The following ANKS1A variants were observed in gnomAD, a reference collection of about 807,000 sequenced individuals.
ANKS1A encodes the protein ankyrin repeat and sterile alpha motif domain containing 1A, also known as ankyrin repeat and SAM domain-containing protein 1A.
Under a neutral mutation model 120.3 loss-of-function variants are expected in ANKS1A, and 55 were observed. That is an observed-to-expected ratio of 0.46 (90% CI 0.37 to 0.57). ANKS1A has a LOEUF of 0.57. Ranked by LOEUF, ANKS1A falls within the 20% of genes least tolerant of loss-of-function variation. The pLI, the probability that ANKS1A is intolerant of heterozygous loss-of-function variation, is 0.00. For synonymous variants in ANKS1A, 590 were observed against 604.7 expected, an observed-to-expected ratio of 0.98 and a Z score of 0.36; for missense variants, 1,123 against 1,480.3, an observed-to-expected ratio of 0.76 and a Z score of 3.96.
In ANKS1A at chr6:35,085,680, G is replaced by T; in HGVS notation, c.3133-86G>T. 3 of 1,405,322 alleles carry T rather than the reference G, an allele frequency of 2.1e-6. No individual in the cohort carries two copies. Among genetic ancestry groups the T allele is most frequent in the South Asian group, 1.5e-5 (1 of 67,866 alleles). The allele number at this position is 1,405,322 out of a possible 1,614,324, so 87.1% of individuals were successfully genotyped here. A position where few individuals can be genotyped will look rare whatever the true frequency, so the allele number is the denominator to read the frequency against. Reference sequence around the variant, plus strand: ...GCGCTCCCGGGTAGACTTAGAGGGGGACACATGGTCCCTGCGAGGAAGGGC... The same window carrying T: ...GCGCTCCCGGGTAGACTTAGAGGGGTACACATGGTCCCTGCGAGGAAGGGC... On this transcript the variant is annotated intron_variant, in intron 21 of 23. Transcript: ENST00000360359. The surrounding 1 kb of genome is among the most constrained non-coding windows in gnomAD (Gnocchi z 4.7).
rs140885045 is a variant in ANKS1A, at chr6:35,046,367, C to T, written c.2011-7732C>T. On this transcript the variant is annotated intron_variant, in intron 11 of 23. Coordinates refer to ENST00000360359, the MANE Select transcript of ANKS1A (RefSeq NM_015245.3). ...CTTTCTCTTTGTTTCCTTCGCCTCT[C>T]GGGCATGTCTTTGCTTATTAGCATG... Among the ~76,000 whole-genome samples, 17 of 152,298 alleles carry T rather than the reference C, an allele frequency of 1.1e-4. No homozygotes were observed. In the East Asian group the frequency reaches 3.1e-3, roughly 28 times the overall value.
At chr6:35,053,703 C>T (rs1776071817) in intron 11 of ANKS1A, among the ~76,000 whole-genome samples, 1 of 152,258 alleles carries the variant, frequency 6.6e-6, no homozygotes, top group Non-Finnish European at 1.5e-5. Flanking sequence ...GCAAAGTCTT[C>T]ACTCTCATGG....
At chr6:34,917,150 T>C (rs1414712447) in intron 1 of ANKS1A, among the ~76,000 whole-genome samples, 1 of 152,120 alleles carries the variant, frequency 6.6e-6, no homozygotes, top group Admixed American at 6.5e-5. Context: ...TAGGCCTCCA[T>C]GGGGCCTACA....
At chr6:34,940,416 G>A (rs1045610606) in intron 1 of ANKS1A, among the ~76,000 whole-genome samples, 6 of 152,134 alleles carry the variant, frequency 3.9e-5, no homozygotes, top group Admixed American at 3.9e-4. Context: ...GCACTTGTGG[G>A]AATCTGCTTG....
In ANKS1A at chr6:35,058,802, A is replaced by C. The variant is rs565394875; in HGVS notation, c.2078-1345A>C. On this transcript the variant is annotated intron_variant, in intron 12 of 23. Transcript: ENST00000360359. This position sits in a 1 kb window ranked among gnomAD's most constrained non-coding sequence, Gnocchi z 5.1. ...CAGAGAAGTAGGTTGGGGTTCAGGC[A>C]TCCAGCTCAGAACATCCAAGGTCTG... 6.6e-6 allele frequency: 1 copy of C among 152,330 alleles called. No individual in the cohort carries two copies. Among genetic ancestry groups the C allele is most frequent in the South Asian group, 2.1e-4 (1 of 4,822 alleles). 9.4% of individuals were successfully genotyped at this position (152,330 alleles called of 1,614,324 possible). A position where few individuals can be genotyped will look rare whatever the true frequency, so the allele number is the denominator to read the frequency against.
intron 13 of ANKS1A, among the ~76,000 whole-genome samples, chr6:35,069,212 C>T (rs141191514): frequency 1.0e-3 from 153 of 152,266 alleles, no homozygotes; most frequent in African/African-American, 3.3e-3. Context: ...GTGACATCCC[C>T]CACACACTAG....
In ANKS1A at chr6:35,044,070, A is replaced by G. The variant is rs1328305303; in HGVS notation, c.2011-10029A>G. 6.6e-6 allele frequency among the ~76,000 whole-genome samples: 1 copy of G among 152,138 alleles called. No homozygotes were observed. The highest frequency in any genetic ancestry group is 1.5e-5 in the Non-Finnish European group (1 of 68,034). ...TATGTAATGTTTAATTAAATTTTCT[A>G]TTTTCATCAACAAATATAACCATCC... On this transcript the variant is annotated intron_variant, in intron 11 of 23. Coordinates refer to ENST00000360359, the MANE Select transcript of ANKS1A (RefSeq NM_015245.3). The surrounding 1 kb of genome is among the most constrained non-coding windows in gnomAD (Gnocchi z 4.4).
intron 1 of ANKS1A, among the ~76,000 whole-genome samples, chr6:34,947,643 A>T (rs1400831866): frequency 6.6e-6 from 1 of 152,112 alleles, no homozygotes; most frequent in Admixed American, 6.5e-5. Context: ...GCCTCTTGTA[A>T]ATTTAAAATC....
chr6:34,899,854 G>A lies in ANKS1A; in HGVS notation c.197+10255G>A, dbSNP rs903512158. Among the ~76,000 whole-genome samples the A allele has an allele frequency of 8.5e-5, 13 of 152,314 alleles. No individual in the cohort carries two copies. The East Asian group carries it at 2.3e-3, about 27-fold the overall frequency. ...GCTTTTGTCCTCAATGGGGCCAGCC[G>A]CCTGATTCTTGCTTTTTCAGGTTGC... On this transcript the variant is annotated intron_variant, in intron 1 of 23. Coordinates refer to ENST00000360359, the MANE Select transcript of ANKS1A (RefSeq NM_015245.3).
chr6:34,989,142 TA>T, intron 8 of ANKS1A, 81 bp from the exon 9 acceptor site: 1 of 1,322,926 alleles, frequency 7.6e-7, no homozygotes, highest in Non-Finnish European at 1.1e-6. Context: ...TTTTCATTTC[TA>T]AGGGCTAAGA....
chr6:34,918,259 C>T (rs985472544), intron 1 of ANKS1A, among the ~76,000 whole-genome samples: 8 of 152,142 alleles, frequency 5.3e-5, no homozygotes, highest in South Asian at 2.1e-4. Context: ...TGTAGTGGTT[C>T]GGAGTATGGT....
chr6:35,079,302 G>A (rs1039546110), intron 14 of ANKS1A, among the ~76,000 whole-genome samples: 3 of 152,146 alleles, frequency 2.0e-5, no homozygotes, highest in Non-Finnish European at 2.9e-5. Flanking sequence ...CAGCCCTGTC[G>A]GTGCTCCAGC....
At chr6:35,061,928 G>A (rs568772922) in intron 13 of ANKS1A, among the ~76,000 whole-genome samples, 2 of 152,322 alleles carry the variant, frequency 1.3e-5, no homozygotes, top group South Asian at 4.1e-4. Flanking sequence ...GCAAGTGAGG[G>A]TGGTCTTAGG....
Position 34,930,626 on chromosome 6 carries a change from T to C in ANKS1A, c.198-36613T>C, listed in dbSNP as rs186414273. Among the ~76,000 whole-genome samples the C allele has an allele frequency of 2.0e-5, 3 of 152,328 alleles. No individual in the cohort carries two copies. The East Asian group carries it at 5.8e-4, about 29-fold the overall frequency. On this transcript the variant is annotated intron_variant, in intron 1 of 23. Transcript: ENST00000360359. ...TCTCTCCTCTTTCCTTTATCTTTTC[T>C]CTCTGTTCTGCTTGTTTCTGGCAAA...
At chr6:34,934,395 G>A (rs1391683807) in intron 1 of ANKS1A, among the ~76,000 whole-genome samples, 4 of 152,130 alleles carry the variant, frequency 2.6e-5, no homozygotes, top group African/African-American at 7.2e-5. Context: ...TGATCCGCCC[G>A]CCTCGGCCTC....
chr6:35,083,353 T>TG, intron 19 of ANKS1A, 64 bp from the exon 20 acceptor site: 1 of 1,596,514 alleles, frequency 6.3e-7, no homozygotes, highest in Non-Finnish European at 8.6e-7. Context: ...CTGGGACCTG[T>TG]GGAAGCCCAG....
chr6:34,972,049 T>C (rs1425378407), intron 3 of ANKS1A, among the ~76,000 whole-genome samples: 2 of 152,266 alleles, frequency 1.3e-5, no homozygotes, highest in African/African-American at 4.8e-5. Context: ...TTGTAACTAA[T>C]ATTCTTCAAT....
At chr6:35,047,158 T>G (rs1476454507) in intron 11 of ANKS1A, among the ~76,000 whole-genome samples, 1 of 152,226 alleles carries the variant, frequency 6.6e-6, no homozygotes, top group Non-Finnish European at 1.5e-5. Context: ...AGGCAGCTGA[T>G]GGATCCTGAT....
intron 9 of ANKS1A, 138 bp downstream of exon 9, chr6:34,989,454 T>G (rs1241064623): frequency 1.3e-6 from 1 of 765,976 alleles, no homozygotes; most frequent in Admixed American, 2.5e-5. Context: ...TGTGTACTAG[T>G]AATCTGGAAT....
Sources: gnomAD v4.1 joint callset for allele counts (sites outside exome capture counted in the v4.1 genomes callset) on GRCh38, gnomAD v4.1.1 for gene constraint, Gnocchi (gnomAD v3.1) non-coding constraint, MANE v1.5 for transcripts, NCBI Gene and HGNC (gene_info 2026-07-23, HGNC 2026-07-21) for gene names.